NRXN3: variants seen among roughly 807,000 people sequenced by gnomAD.
NRXN3 encodes the protein neurexin 3.
A neutral mutation model predicts 137.6 loss-of-function variants in NRXN3; 32 were observed. That is an observed-to-expected ratio of 0.23 (90% CI 0.18 to 0.31). The LOEUF is 0.31. NRXN3 is among the 10% of genes least tolerant of loss of function. NRXN3 has a pLI of 1.00. For synonymous variants in NRXN3, 798 were observed against 784.5 expected (o/e 1.02, Z -0.29); for missense variants, 1,574 against 2,062.5 (o/e 0.76, Z 4.59).
intron 19 of NRXN3, among the ~76,000 whole-genome samples, chr14:79,723,113 T>G (rs1170055626): frequency 6.6e-6 from 1 of 152,094 alleles, no homozygotes; most frequent in East Asian, 1.9e-4. Flanking sequence ...AGGATATAAG[T>G]GAGCACATAC....
intron 15 of NRXN3, among the ~76,000 whole-genome samples, chr14:79,413,819 A>C (rs971488607): frequency 1.9e-4 from 29 of 149,120 alleles, no homozygotes; most frequent in African/African-American, 6.5e-4. Context: ...CTTGAATTCA[A>C]ATCATGAGAG....
In NRXN3 at chr14:79,030,219, A is replaced by G. The variant is rs185497645; in HGVS notation, c.3262+42078A>G. 2.0e-5 allele frequency among the ~76,000 whole-genome samples: 3 copies of G among 151,730 alleles called. No individual in the cohort carries two copies. In the East Asian group the frequency reaches 5.8e-4, roughly 29 times the overall value. ...TTAGCAGCATTCTTAGCCTCTACAT[A>G]GTAGATGCCAGTAGTAGCCCCCCCA... On this transcript the variant is annotated intron_variant, in intron 15 of 20. Coordinates refer to ENST00000335750, the MANE Select transcript of NRXN3 (RefSeq NM_001330195.2).
intron 15 of NRXN3, among the ~76,000 whole-genome samples, chr14:79,179,845 C>T (rs563705718): frequency 9.2e-5 from 14 of 152,152 alleles, no homozygotes; most frequent in Non-Finnish European, 1.6e-4. Context: ...ATGTCAAGAT[C>T]CTGCACGGAT....
At chr14:79,691,890 A>T (rs976804549) in intron 17 of NRXN3, among the ~76,000 whole-genome samples, 1 of 152,026 alleles carries the variant, frequency 6.6e-6, no homozygotes, top group Non-Finnish European at 1.5e-5. Context: ...GATGAGACAG[A>T]GAGAGAGTGA....
At chr14:79,754,605 CAT>C (rs2099012949) in intron 19 of NRXN3, among the ~76,000 whole-genome samples, 1 of 144,382 alleles carries the variant, frequency 6.9e-6, no homozygotes, top group African/African-American at 2.6e-5. Context: ...TATACACACA[CAT>C]ACACACACAC....
At chr14:78,561,647 AT>A (rs2152271291) in intron 4 of NRXN3, among the ~76,000 whole-genome samples, 1 of 152,290 alleles carries the variant, frequency 6.6e-6, no homozygotes, top group East Asian at 1.9e-4. Flanking sequence ...CCAAAATGAT[AT>A]GATTTTCAGT....
intron 19 of NRXN3, among the ~76,000 whole-genome samples, chr14:79,715,974 C>A: frequency 6.6e-6 from 1 of 152,308 alleles, no homozygotes; most frequent in Admixed American, 6.5e-5. Context: ...TGGAAGCATA[C>A]CATATTCGAC....
chr14:78,304,654 T>A (rs1024737088), intron 4 of NRXN3, among the ~76,000 whole-genome samples: 2 of 152,170 alleles, frequency 1.3e-5, no homozygotes, highest in African/African-American at 4.8e-5. Context: ...ATACCTTCCC[T>A]TGAAACTGAA....
In NRXN3 at chr14:79,863,032, TA is replaced by T. The variant is rs1042761029; in HGVS notation, c.*1071del. On this transcript the variant is annotated 3_prime_UTR_variant, in exon 21 of 21. Transcript: ENST00000335750. Reference sequence around the variant, plus strand: ...TGCATGCAAATAAAAAAGACAATATTAAAGTCTGTTATCAAACCAGACAGTA... The same window carrying T: ...TGCATGCAAATAAAAAAGACAATATTAAGTCTGTTATCAAACCAGACAGTA... 3 of 152,570 alleles carry T rather than the reference TA, an allele frequency of 2.0e-5. No individual in the cohort carries two copies. Among genetic ancestry groups the T allele is most frequent in the African/African-American group, 7.2e-5 (3 of 41,410 alleles). The allele number at this position is 152,570 out of a possible 1,614,324, so 9.5% of individuals were successfully genotyped here.
chr14:78,958,404 G>A lies in NRXN3; in HGVS notation c.2395+1043G>A, dbSNP rs577249946. Among the ~76,000 whole-genome samples, 19 of 150,804 alleles carry A rather than the reference G, an allele frequency of 1.3e-4. 1 individual carries two copies. In the South Asian group the frequency reaches 2.5e-3, roughly 20 times the overall value. On this transcript the variant is annotated intron_variant, in intron 11 of 20. Transcript: ENST00000335750. ...ACAGTCTTGCTCTGTCGCCCAGGCT[G>A]GAGTGCAGTGGCGCGATCTTGGCTC...
chr14:79,498,449 C>A (rs2096788457), intron 16 of NRXN3, among the ~76,000 whole-genome samples: 1 of 152,140 alleles, frequency 6.6e-6, no homozygotes, highest in African/African-American at 2.4e-5. Context: ...CACTGTGATA[C>A]CCAGTAGGCA....
chr14:79,767,670 C>A (rs898085900), intron 19 of NRXN3, among the ~76,000 whole-genome samples: 1 of 152,156 alleles, frequency 6.6e-6, no homozygotes, highest in African/African-American at 2.4e-5. Flanking sequence ...ATAACAGTCC[C>A]TATTAAATGG....
chr14:79,127,356 G>C (rs950619677), intron 15 of NRXN3, among the ~76,000 whole-genome samples: 21 of 152,014 alleles, frequency 1.4e-4, no homozygotes, highest in Non-Finnish European at 2.5e-4. Context: ...TTTTGTATAA[G>C]GTGTAAGGAA....
intron 15 of NRXN3, among the ~76,000 whole-genome samples, chr14:79,081,859 G>A (rs10138160): frequency 0.072 from 10,886 of 151,830 alleles, 1,334 homozygotes; most frequent in African/African-American, 0.25. Context: ...TAGGCACTGC[G>A]GTATGCCTCC....
Position 78,803,909 on chromosome 14 carries a change from G to A in NRXN3, c.2248+86G>A, listed in dbSNP as rs575114271. On this transcript the variant is annotated intron_variant, in intron 9 of 20. Transcript: ENST00000335750. ...TTTCATTGGTTTGATTGAATTCTTT[G>A]TTTGTTTCTTGAAAGTTAGCTGCTC... 8 of 1,339,506 alleles carry A rather than the reference G, an allele frequency of 6.0e-6. No homozygotes were observed. In the South Asian group the frequency reaches 7.3e-5, roughly 12 times the overall value. 83.0% of individuals were successfully genotyped at this position (1,339,506 alleles called of 1,614,324 possible).
In NRXN3 at chr14:78,242,877, A is replaced by G. The variant is rs1404332643; in HGVS notation, c.-217A>G. On this transcript the variant is annotated 5_prime_UTR_variant, in exon 2 of 21. Transcript: ENST00000335750. The stretch of plus-strand genomic sequence containing the variant: ...TCCTGTCTTTTTCTACTGCCTCTTT[A>G]TTCAATTTCTTGCTTGTGTGCCCCT... 4.3e-6 allele frequency: 2 copies of G among 469,244 alleles called. No homozygotes were observed. Among genetic ancestry groups the G allele is most frequent in the Non-Finnish European group, 7.4e-6 (2 of 269,008 alleles). 29.1% of individuals were successfully genotyped at this position (469,244 alleles called of 1,614,324 possible).
intron 15 of NRXN3, among the ~76,000 whole-genome samples, chr14:79,306,972 C>T (rs1223284445): frequency 1.3e-5 from 2 of 152,042 alleles, no homozygotes; most frequent in Non-Finnish European, 2.9e-5. Context: ...AGAGCTGTCT[C>T]CTTAAGAAGG....
At chr14:78,172,811 G>A (rs1330366364) in intron 1 of NRXN3, among the ~76,000 whole-genome samples, 1 of 152,164 alleles carries the variant, frequency 6.6e-6, no homozygotes, top group African/African-American at 2.4e-5. Context: ...TTCTTGAGAA[G>A]AGGAGGGGGC....
intron 15 of NRXN3, among the ~76,000 whole-genome samples, chr14:79,045,478 G>A (rs2099631644): frequency 6.6e-6 from 1 of 152,196 alleles, no homozygotes; most frequent in South Asian, 2.1e-4. Context: ...GGCTGCTGCA[G>A]AGACTGCAGG....
Sources: gnomAD v4.1 joint callset for allele counts (sites outside exome capture counted in the v4.1 genomes callset) on GRCh38, gnomAD v4.1.1 for gene constraint, MANE v1.5 for transcripts, NCBI Gene and HGNC (gene_info 2026-07-23, HGNC 2026-07-21) for gene names.